APBB2: variants seen among roughly 807,000 people sequenced by gnomAD.
APBB2 encodes amyloid beta precursor protein binding family B member 2, also known as Fe65-like 1.
In APBB2, 38 loss-of-function variants were observed where a neutral mutation model predicts 82.5. That is an observed-to-expected ratio of 0.46 (90% CI 0.36 to 0.60). The LOEUF (loss-of-function observed/expected upper bound fraction) is 0.60. Ranked by LOEUF, APBB2 falls within the 20% of genes least tolerant of loss-of-function variation. The probability of loss-of-function intolerance (pLI) is 0.00; values close to 1 mark genes in which losing one functional copy is unlikely to be tolerated. For synonymous variants in APBB2, 341 were observed against 368.2 expected, an observed-to-expected ratio of 0.93 and a Z score of 0.85; for missense variants, 772 against 972.3, an observed-to-expected ratio of 0.79 and a Z score of 2.74.
At chr4:40,849,034 T>G (rs748285825) in intron 12 of APBB2, 1 of 313,566 alleles carries the variant, frequency 3.2e-6, no homozygotes, top group Non-Finnish European at 4.6e-6. Flanking sequence ...TTCTTGAATA[T>G]GTGAATAAAT....
chr4:40,896,036 G>A (rs1773570049), intron 10 of APBB2, among the ~76,000 whole-genome samples: 3 of 151,940 alleles, frequency 2.0e-5, no homozygotes, highest in Admixed American at 6.6e-5. Flanking sequence ...GATAAACAAG[G>A]CTGGATAAAC....
At chr4:41,058,549 C>G (rs551535346) in intron 4 of APBB2, among the ~76,000 whole-genome samples, 4 of 152,288 alleles carry the variant, frequency 2.6e-5, no homozygotes, top group Non-Finnish European at 5.9e-5. Context: ...AATCTAGAAT[C>G]TAACTGACGG....
At chr4:41,104,047 C>A (rs908732698) in intron 2 of APBB2, among the ~76,000 whole-genome samples, 1 of 152,106 alleles carries the variant, frequency 6.6e-6, no homozygotes, top group Non-Finnish European at 1.5e-5. Flanking sequence ...TCTAAGCTGT[C>A]CTAATATCTG....
intron 7 of APBB2, among the ~76,000 whole-genome samples, chr4:40,936,614 A>G (rs1044385723): frequency 6.6e-6 from 1 of 152,222 alleles, no homozygotes; most frequent in African/African-American, 2.4e-5. Context: ...CTTCAAATTT[A>G]GACCCATTAT....
At chr4:41,106,237 G>A (rs1364419280) in intron 2 of APBB2, among the ~76,000 whole-genome samples, 1 of 152,098 alleles carries the variant, frequency 6.6e-6, no homozygotes, top group African/African-American at 2.4e-5. Context: ...TCACTTCTGG[G>A]GCAGAATTCC....
Position 41,013,786 on chromosome 4 carries a change from G to A in APBB2, c.632C>T (p.Pro211Leu), listed in dbSNP as rs370963230. 4 of 1,614,190 alleles carry A rather than the reference G, an allele frequency of 2.5e-6. No homozygotes were observed. Among genetic ancestry groups the A allele is most frequent in the Non-Finnish European group, 3.4e-6 (4 of 1,180,036 alleles). Reference protein sequence around the residue: ...IGNGDLLLQKPNRPQSSPEDG... With the variant: ...IGNGDLLLQKLNRPQSSPEDG... ...TTCAGGGCTGGACTGGGGTCTGTTTGGTTTCTGCAGCAGCAAATCGCCATT... is the reference window on the plus strand; with the variant it reads ...TTCAGGGCTGGACTGGGGTCTGTTTAGTTTCTGCAGCAGCAAATCGCCATT... Residue 211 changes from proline (P) to leucine (L), a missense_variant, in exon 6 of 18, where the codon CCA becomes CTA. Pro to Leu is a moderately conservative substitution (Grantham distance 98). Transcript: ENST00000508593.
intron 10 of APBB2, among the ~76,000 whole-genome samples, chr4:40,932,765 C>A (rs929227848): frequency 2.0e-5 from 3 of 152,162 alleles, no homozygotes; most frequent in Non-Finnish European, 4.4e-5. Context: ...TGCAAGCCCC[C>A]GCCCCGTTCA....
At chr4:40,967,277 G>A (rs868542981) in intron 6 of APBB2, among the ~76,000 whole-genome samples, 2 of 152,156 alleles carry the variant, frequency 1.3e-5, no homozygotes, top group Non-Finnish European at 2.9e-5. Context: ...CTTCCTGGAC[G>A]TAGGACAAGA....
At chr4:40,977,213 G>A (rs1382818257) in intron 6 of APBB2, among the ~76,000 whole-genome samples, 2 of 152,132 alleles carry the variant, frequency 1.3e-5, no homozygotes, top group African/African-American at 2.4e-5. Context: ...GCTAGATGCT[G>A]AAGGGCAGTG....
intron 12 of APBB2, among the ~76,000 whole-genome samples, chr4:40,886,723 A>G (rs1164650579): frequency 6.6e-6 from 1 of 152,198 alleles, no homozygotes; most frequent in Non-Finnish European, 1.5e-5. Context: ...TCAGTCGCCA[A>G]GGGCAGAAAT....
chr4:41,155,241 TTTTTTG>T (rs537058645), intron 1 of APBB2, among the ~76,000 whole-genome samples: 91 of 152,120 alleles, frequency 6.0e-4, no homozygotes, highest in Admixed American at 1.2e-3. Flanking sequence ...TTGGAACTGT[TTTTTTG>T]TTTTTGTTTT....
At chr4:41,213,781 GCT>G (rs1029086269) in intron 1 of APBB2, among the ~76,000 whole-genome samples, 2 of 152,136 alleles carry the variant, frequency 1.3e-5, no homozygotes, top group Non-Finnish European at 2.9e-5. Flanking sequence ...CTAGTTAAAC[GCT>G]CTCTCTGCCA....
chr4:40,970,202 T>C (rs767521202), intron 6 of APBB2, among the ~76,000 whole-genome samples: 1 of 152,194 alleles, frequency 6.6e-6, no homozygotes, highest in Non-Finnish European at 1.5e-5. Flanking sequence ...CTTCTAAAAG[T>C]TGGACATCTT....
intron 10 of APBB2, among the ~76,000 whole-genome samples, chr4:40,905,208 C>T (rs1234415532): frequency 2.0e-5 from 3 of 152,154 alleles, no homozygotes; most frequent in Non-Finnish European, 4.4e-5. Context: ...TCCTTGCCTG[C>T]CCGCCACCCA....
At chr4:40,877,198 G>A (rs139608267) in intron 12 of APBB2, among the ~76,000 whole-genome samples, 2 of 152,386 alleles carry the variant, frequency 1.3e-5, no homozygotes, top group Non-Finnish European at 2.9e-5. Context: ...TCAGGAGTCT[G>A]TCTTGGCCAA....
At chr4:40,885,643 G>A (rs1770002240) in intron 12 of APBB2, among the ~76,000 whole-genome samples, 1 of 152,186 alleles carries the variant, frequency 6.6e-6, no homozygotes, top group Non-Finnish European at 1.5e-5. Flanking sequence ...CTTCATTAGA[G>A]CAGGCCCAAT....
rs1329986005 is a variant in APBB2, at chr4:41,014,230, G to A, written c.188C>T (p.Pro63Leu). 6.2e-7 allele frequency: 1 copy of A among 1,614,220 alleles called. No homozygotes were observed. The highest frequency in any genetic ancestry group is 8.5e-7 in the Non-Finnish European group (1 of 1,180,046). The change falls in exon 6 of 18, where the codon CCT becomes CTT. Residue 63 changes from proline (P) to leucine (L), a missense_variant. Transcript: ENST00000508593. ...IKHTETKNSTPPKCRKKYALT... is the reference protein window; with the variant it reads ...IKHTETKNSTLPKCRKKYALT... ...TGCATATTTTTTCCTGCATTTGGGA[G>A]GTGTGCTGTTCTTGGTTTCTGTGTG...
At chr4:40,860,329 G>C (rs988776257) in intron 12 of APBB2, among the ~76,000 whole-genome samples, 2 of 152,156 alleles carry the variant, frequency 1.3e-5, no homozygotes, top group Admixed American at 6.5e-5. Context: ...GGAGGGACTC[G>C]AGACTGAGAT....
intron 3 of APBB2, among the ~76,000 whole-genome samples, chr4:41,095,954 A>G (rs1743331248): frequency 6.6e-6 from 1 of 151,820 alleles, no homozygotes; most frequent in African/African-American, 2.4e-5. Context: ...CTCAGGGTCC[A>G]CTCTGTTCTC....
Sources: gnomAD v4.1 joint callset for allele counts (sites outside exome capture counted in the v4.1 genomes callset) on GRCh38, gnomAD v4.1.1 for gene constraint, MANE v1.5 for transcripts, NCBI Gene and HGNC (gene_info 2026-07-23, HGNC 2026-07-21) for gene names.